Variants in PRORP observed in about 807,000 individuals in gnomAD.
PRORP encodes the protein protein only RNase P catalytic subunit, also known as mitochondrial ribonuclease P catalytic subunit.
In PRORP, 51 loss-of-function variants were observed where a neutral mutation model predicts 59.4. The ratio of observed to expected loss-of-function variants is 0.86; its 90% CI spans 0.69 to 1.08. The LOEUF is 1.08. Ranked by LOEUF, PRORP falls within the 50% of genes least tolerant of loss-of-function variation. PRORP has a pLI of 0.00. For missense variants in PRORP, 646 were observed against 690.3 expected (o/e 0.94, Z 0.72); for synonymous variants, 231 against 245.6 (o/e 0.94, Z 0.55).
intron 5 of PRORP, among the ~76,000 whole-genome samples, chr14:35,196,154 A>C (rs529529877): frequency 7.7e-4 from 118 of 152,316 alleles, no homozygotes; most frequent in Non-Finnish European, 1.2e-3. Context: ...GTGAATCTTA[A>C]AACAACTAAT....
chr14:35,132,805 A>G (rs982157615), intron 4 of PRORP, among the ~76,000 whole-genome samples: 5 of 151,526 alleles, frequency 3.3e-5, no homozygotes, highest in African/African-American at 1.2e-4. Flanking sequence ...AAAAAAGGGA[A>G]GAAGGAAAGG....
chr14:35,232,441 G>A (rs1207783352), intron 5 of PRORP, among the ~76,000 whole-genome samples: 1 of 152,056 alleles, frequency 6.6e-6, no homozygotes, highest in East Asian at 1.9e-4. Context: ...CTAACTCCTG[G>A]CCTCAAGCAG....
rs1279675482 is a variant in PRORP, at chr14:35,145,770, A to G, written c.1167+18159A>G. Among the ~76,000 whole-genome samples, 10 of 142,244 alleles carry G rather than the reference A, an allele frequency of 7.0e-5. 2 individuals are homozygous for G. Among genetic ancestry groups the G allele is most frequent in the Admixed American group, 6.7e-4 (9 of 13,478 alleles). The allele number at this position is 142,244 out of a possible 152,430, so 93.3% of individuals were successfully genotyped here. ...GAAGGAAGGAAGGAAACAGCCCACC[A>G]TGATCCATTCATTTTGAACTTTAAT... On this transcript the variant is annotated intron_variant, in intron 4 of 7. Coordinates refer to ENST00000534898, the MANE Select transcript of PRORP (RefSeq NM_014672.4).
At position 35,136,769 on chromosome 14, in the gene PRORP, A is replaced by G. The variant is rs953141758; in HGVS notation, c.1167+9158A>G. On this transcript the variant is annotated intron_variant, in intron 4 of 7. Transcript: ENST00000534898. ...GGAGGTTTGGGGACCATCACATAAT[A>G]GTAATAGGTTAAATGCGAAGAGTGC... Among the ~76,000 whole-genome samples the G allele has an allele frequency of 7.6e-5, 11 of 145,194 alleles. 2 individuals are homozygous for G. The highest frequency in any genetic ancestry group is 1.4e-4 in the Non-Finnish European group (9 of 65,460).
intron 5 of PRORP, among the ~76,000 whole-genome samples, chr14:35,266,447 A>G (rs2051043315): frequency 6.6e-6 from 1 of 152,060 alleles, no homozygotes; most frequent in African/African-American, 2.4e-5. Context: ...GCACCTGTGC[A>G]CTCCAGTCTG....
rs567098264 is a variant in PRORP, at chr14:35,268,354, A to C, written c.1424+1479A>C. ...AGTGAGACTGTCTCAAAAAAAAAAA[A>C]AAAAAAAAACAACCCACAAACCTAC... On this transcript the variant is annotated intron_variant, in intron 6 of 7. Coordinates refer to ENST00000534898, the MANE Select transcript of PRORP (RefSeq NM_014672.4). 1.1e-3 allele frequency among the ~76,000 whole-genome samples: 173 copies of C among 151,534 alleles called. 4 individuals are homozygous for C. Among genetic ancestry groups the C allele is most frequent in the African/African-American group, 4.0e-3 (166 of 41,318 alleles).
intron 5 of PRORP, among the ~76,000 whole-genome samples, chr14:35,247,174 T>C (rs764207382): frequency 6.6e-6 from 1 of 152,188 alleles, no homozygotes; most frequent in Non-Finnish European, 1.5e-5. Context: ...TATTGAACTA[T>C]TAAGTAATAG....
chr14:35,138,236 T>A lies in PRORP; in HGVS notation c.1167+10625T>A, dbSNP rs561912461. Reference sequence around the variant, plus strand: ...CAGATTTGATTAGGGCCCATCCTTATGACCTTATTTTACCTTAATTACCTC... The same window carrying A: ...CAGATTTGATTAGGGCCCATCCTTAAGACCTTATTTTACCTTAATTACCTC... On this transcript the variant is annotated intron_variant, in intron 4 of 7. Coordinates refer to ENST00000534898, the MANE Select transcript of PRORP (RefSeq NM_014672.4). Among the ~76,000 whole-genome samples the A allele has an allele frequency of 8.2e-5, 12 of 145,728 alleles. 3 individuals carry two copies. The South Asian group carries it at 2.7e-3, about 32-fold the overall frequency.
chr14:35,128,777 C>CA (rs1257225479), intron 4 of PRORP, among the ~76,000 whole-genome samples: 1 of 152,016 alleles, frequency 6.6e-6, no homozygotes, highest in East Asian at 1.9e-4. Context: ...TTCAAAAAAC[C>CA]AACTTTTTGT....
chr14:35,200,111 AGAACTT>A (rs2139124325), intron 5 of PRORP, among the ~76,000 whole-genome samples: 1 of 152,366 alleles, frequency 6.6e-6, no homozygotes, highest in African/African-American at 2.4e-5. Flanking sequence ...TTTTACCAAA[AGAACTT>A]GAAGGTGAAA....
rs189965054 is a variant in PRORP, at chr14:35,267,918, G to A, written c.1424+1043G>A. On this transcript the variant is annotated intron_variant, in intron 6 of 7. Transcript: ENST00000534898. ...TGAGATTAGAGAGAAGGCAGAAACC[G>A]CAATGCAGAGGACCTTGCAGATCCT... Among the ~76,000 whole-genome samples the A allele has an allele frequency of 5.9e-5, 9 of 152,252 alleles. No homozygotes were observed. In the South Asian group the frequency reaches 1.2e-3, roughly 21 times the overall value.
intron 5 of PRORP, among the ~76,000 whole-genome samples, chr14:35,248,829 C>T (rs777166840): frequency 4.6e-5 from 7 of 152,126 alleles, no homozygotes; most frequent in African/African-American, 7.2e-5. Context: ...ACAAGAGGAA[C>T]GAAGACAAAG....
rs1224187974 is a variant in PRORP at position 35,139,738 on chromosome 14, T to C, written c.1167+12127T>C. ...TTGTTATTGTTTCCTAGGGCTGCCCTAACAAATTACCACAAACTGGGTAGC... is the reference window on the plus strand; with the variant it reads ...TTGTTATTGTTTCCTAGGGCTGCCCCAACAAATTACCACAAACTGGGTAGC... On this transcript the variant is annotated intron_variant, in intron 4 of 7. Coordinates refer to ENST00000534898, the MANE Select transcript of PRORP (RefSeq NM_014672.4). Among the ~76,000 whole-genome samples, 2 of 146,074 alleles carry C rather than the reference T, an allele frequency of 1.4e-5. 1 individual carries two copies. The highest frequency in any genetic ancestry group is 3.0e-5 in the Non-Finnish European group (2 of 65,658).
intron 5 of PRORP, among the ~76,000 whole-genome samples, chr14:35,198,893 G>A (rs956793562): frequency 1.3e-5 from 2 of 152,176 alleles, no homozygotes; most frequent in Admixed American, 6.5e-5. Context: ...TAGGCCGGGC[G>A]TGGTGGCTTA....
intron 4 of PRORP, chr14:35,158,440 T>C (rs909577493): frequency 4.5e-5 from 14 of 312,048 alleles, no homozygotes; most frequent in African/African-American, 2.4e-4. Flanking sequence ...ACTACCTACC[T>C]AAGCAAGAGG....
intron 5 of PRORP, among the ~76,000 whole-genome samples, chr14:35,189,023 A>C (rs920680248): frequency 2.0e-5 from 3 of 151,294 alleles, no homozygotes; most frequent in African/African-American, 7.3e-5. Context: ...AGAGTTTTAT[A>C]GTTTTAGTTC....
chr14:35,124,236 T>A lies in PRORP; in HGVS notation c.986+5T>A, dbSNP rs376918144. ...TATAAAAACATGGTTTGAGAGGTAA[T>A]TTTGGTTTTTTTATATGTATGTTTT... is the stretch of plus-strand genomic sequence containing the variant. On this transcript the variant is annotated splice_donor_5th_base_variant and intron_variant, in intron 2 of 7. Transcript: ENST00000534898. The A allele has an allele frequency of 2.5e-4, 383 of 1,516,512 alleles. No homozygotes were observed. Among genetic ancestry groups the A allele is most frequent in the Non-Finnish European group, 3.0e-4 (345 of 1,136,642 alleles). 93.9% of individuals were successfully genotyped at this position (1,516,512 alleles called of 1,614,324 possible). A position where few individuals can be genotyped will look rare whatever the true frequency, so the allele number is the denominator to read the frequency against.
intron 5 of PRORP, chr14:35,263,117 G>C (rs1281930595): frequency 1.1e-6 from 1 of 940,998 alleles, no homozygotes; most frequent in Non-Finnish European, 1.6e-6. Flanking sequence ...TGATGCAAAA[G>C]ACCTATTGAT....
At position 35,270,583 on chromosome 14, in the gene PRORP, A is replaced by ACC; in HGVS notation, c.1607_1608insCC (p.Lys536AsnfsTer3). The ACC allele has an allele frequency of 6.2e-7, 1 of 1,614,120 alleles. No individual in the cohort carries two copies. The highest frequency in any genetic ancestry group is 8.5e-7 in the Non-Finnish European group (1 of 1,179,960). On this transcript the variant is annotated frameshift_variant, in exon 7 of 8. Transcript: ENST00000534898. LOFTEE classifies it high-confidence loss of function. ...ATTGTAAATAGGTTTCCAGGATCAA[A>ACC]ACTAACCTTTCAGGTAATGGTACCT...
Sources: gnomAD v4.1 joint callset for allele counts (sites outside exome capture counted in the v4.1 genomes callset) on GRCh38, gnomAD v4.1.1 for gene constraint, MANE v1.5 for transcripts, NCBI Gene and HGNC (gene_info 2026-07-23, HGNC 2026-07-21) for gene names.